The following KNTC1 variants were observed in gnomAD, a reference collection of about 807,000 sequenced individuals.
The protein encoded by KNTC1 is kinetochore-associated protein 1.
Under a neutral mutation model 314.4 loss-of-function variants are expected in KNTC1, and 253 were observed. The ratio of observed to expected loss-of-function variants is 0.80; its 90% CI spans 0.73 to 0.89. The LOEUF (loss-of-function observed/expected upper bound fraction) is 0.89, where lower values mean the gene tolerates loss of function less well. Among genes scored for constraint, KNTC1 ranks in the 40% least tolerant of loss-of-function variants. KNTC1 has a pLI of 0.00. For synonymous variants in KNTC1, 901 were observed against 901.4 expected (o/e 1.00, Z 0.01); for missense variants, 2,475 against 2,572.9 (o/e 0.96, Z 0.82).
At chr12:122,578,844 C>G (rs1050216238) in intron 31 of KNTC1, among the ~76,000 whole-genome samples, 12 of 152,038 alleles carry the variant, frequency 7.9e-5, no homozygotes, top group Admixed American at 1.3e-4. Context: ...ATTTGCTATG[C>G]AATAGGCATT....
In KNTC1 at chr12:122,534,665, C is replaced by T. The variant is rs1287738931; in HGVS notation, c.131C>T (p.Ala44Val). ...DLLVKISSEKASLNPKIQACS... is the reference protein window; with the variant it reads ...DLLVKISSEKVSLNPKIQACS... ...TCATCATGCTTTTCTCTCCCACAGG[C>T]CTCATTAAATCCAAAGATACAGGCA... Residue 44 changes from alanine to valine, a missense_variant and splice_region_variant, in exon 3 of 64, where the codon GCC (alanine) becomes GTC (valine). Coordinates refer to ENST00000333479, the MANE Select transcript of KNTC1 (RefSeq NM_014708.6). The T allele has an allele frequency of 1.2e-6, 2 of 1,605,808 alleles. No homozygotes were observed. Among genetic ancestry groups the T allele is most frequent in the African/African-American group, 1.3e-5 (1 of 74,912 alleles).
At chr12:122,584,836 T>C in intron 35 of KNTC1, 57 bp from the exon 36 acceptor site, 2 of 903,078 alleles carry the variant, frequency 2.2e-6, no homozygotes, top group Non-Finnish European at 3.5e-6. Flanking sequence ...AAGGTTGTTT[T>C]CATTATCCTA....
intron 26 of KNTC1, among the ~76,000 whole-genome samples, chr12:122,573,904 C>A (rs1012670864): frequency 2.0e-5 from 3 of 152,134 alleles, no homozygotes; most frequent in Non-Finnish European, 4.4e-5. Flanking sequence ...CCTTAGTGAT[C>A]TTGGGGGCCC....
At position 122,544,932 on chromosome 12, in the gene KNTC1, C is replaced by T. The variant is rs141384549; in HGVS notation, c.669+663C>T. 3.5e-3 allele frequency among the ~76,000 whole-genome samples: 529 copies of T among 152,216 alleles called. 7 individuals carry two copies. The highest frequency in any genetic ancestry group is 0.011 in the African/African-American group (447 of 41,534). ...AATGCCTGCCTCCTAAGTGATTCTACGTTATTCTTAGTCTTGGCTAGCTAG... is the reference window on the plus strand; with the variant it reads ...AATGCCTGCCTCCTAAGTGATTCTATGTTATTCTTAGTCTTGGCTAGCTAG... On this transcript the variant is annotated intron_variant, in intron 8 of 63. Coordinates refer to ENST00000333479, the MANE Select transcript of KNTC1 (RefSeq NM_014708.6).
At chr12:122,554,076 A>AAAATATATAT (rs370146333) in intron 16 of KNTC1, among the ~76,000 whole-genome samples, 7 of 109,060 alleles carry the variant, frequency 6.4e-5, no homozygotes, top group African/African-American at 2.3e-4. Flanking sequence ...AAAAAAAAAA[A>AAAATATATAT]ATATATATAT....
rs1388499987 is a variant in KNTC1 at position 122,546,224 on chromosome 12, A to G, written c.718A>G (p.Lys240Glu). Reference protein sequence around the residue: ...FSKWEPDSSKKGMTVKNLIDA... With the variant: ...FSKWEPDSSKEGMTVKNLIDA... The stretch of plus-strand genomic sequence containing the variant: ...AAAATGGGAACCAGATTCTTCCAAG[A>G]AAGGAATGACAGTTAAGAACCTTAT... Residue 240 changes from lysine to glutamate, a missense_variant, in exon 9 of 64, where the codon AAA becomes GAA. Coordinates refer to ENST00000333479, the MANE Select transcript of KNTC1 (RefSeq NM_014708.6). 8.7e-6 allele frequency: 14 copies of G among 1,609,642 alleles called. No homozygotes were observed. Among genetic ancestry groups the G allele is most frequent in the Non-Finnish European group, 1.1e-5 (13 of 1,176,214 alleles).
Position 122,532,206 on chromosome 12 carries a change from C to CTTTTTTT in KNTC1, c.129+2029_129+2035dup, listed in dbSNP as rs139344183. On this transcript the variant is annotated intron_variant, in intron 2 of 63. Transcript: ENST00000333479. ...CTGCCACCACGCCTGGCTAATTTTT[C>CTTTTTTT]TTTTTTTTTTTTTTTTTTTTTGAGA... is the stretch of plus-strand genomic sequence containing the variant. Among the ~76,000 whole-genome samples, 8 of 99,552 alleles carry CTTTTTTT rather than the reference C, an allele frequency of 8.0e-5. No individual in the cohort carries two copies. The East Asian group carries it at 1.1e-3, about 14-fold the overall frequency. 65.3% of individuals were successfully genotyped at this position (99,552 alleles called of 152,430 possible).
intron 53 of KNTC1, among the ~76,000 whole-genome samples, chr12:122,612,563 C>T (rs1873282195): frequency 6.6e-6 from 1 of 151,834 alleles, no homozygotes. Flanking sequence ...GGATTACAGG[C>T]ACGTGCTACC....
chr12:122,570,022 G>T (rs562778917), intron 22 of KNTC1, among the ~76,000 whole-genome samples, 198 bp downstream of exon 22: 1 of 152,256 alleles, frequency 6.6e-6, no homozygotes, highest in East Asian at 1.9e-4. Context: ...TGGAACTGGA[G>T]ATTATTATGT....
At chr12:122,573,729 T>G (rs902863559) in intron 26 of KNTC1, among the ~76,000 whole-genome samples, 1 of 152,156 alleles carries the variant, frequency 6.6e-6, no homozygotes, top group Admixed American at 6.5e-5. Context: ...GAGAGGGAGC[T>G]TCCAGGTCAC....
At chr12:122,605,179 T>C in intron 50 of KNTC1, 92 bp downstream of exon 50, 1 of 1,137,364 alleles carries the variant, frequency 8.8e-7, no homozygotes, top group Non-Finnish European at 1.3e-6. Flanking sequence ...TATATATTAC[T>C]TACATATGCT....
intron 6 of KNTC1, 29 bp from the exon 7 acceptor site, chr12:122,543,571 C>G: frequency 6.7e-7 from 1 of 1,482,686 alleles, no homozygotes; most frequent in Admixed American, 2.1e-5. Context: ...TAATACTATA[C>G]ATTTAGCCTG....
intron 10 of KNTC1, 112 bp from the exon 11 acceptor site, chr12:122,547,303 A>G (rs951177783): frequency 4.9e-6 from 3 of 608,428 alleles, no homozygotes; most frequent in Non-Finnish European, 8.9e-6. Context: ...TGAACCTGGG[A>G]GGTGGAGGTT....
chr12:122,577,931 A>G, intron 31 of KNTC1, 140 bp downstream of exon 31: 1 of 701,442 alleles, frequency 1.4e-6, no homozygotes, highest in Non-Finnish European at 2.1e-6. Context: ...TTCCTGGGTA[A>G]ATTTACTACT....
chr12:122,567,581 G>A (rs1437905266), intron 20 of KNTC1, among the ~76,000 whole-genome samples: 2 of 152,056 alleles, frequency 1.3e-5, no homozygotes, highest in Non-Finnish European at 2.9e-5. Context: ...GCTCATGCCT[G>A]TAATCGCAAC....
chr12:122,550,452 T>C (rs938387063), intron 13 of KNTC1, among the ~76,000 whole-genome samples: 2 of 151,934 alleles, frequency 1.3e-5, no homozygotes, highest in Non-Finnish European at 2.9e-5. Context: ...TATTTTTTTT[T>C]CTTATGATCT....
intron 7 of KNTC1, 123 bp downstream of exon 7, chr12:122,543,757 T>C (rs1412258882): frequency 1.6e-6 from 1 of 623,188 alleles, no homozygotes; most frequent in African/African-American, 1.9e-5. Context: ...ATATAACATT[T>C]TAATAACATT....
intron 51 of KNTC1, among the ~76,000 whole-genome samples, chr12:122,608,539 T>A (rs1872769888): frequency 6.6e-6 from 1 of 152,208 alleles, no homozygotes; most frequent in African/African-American, 2.4e-5. Flanking sequence ...AAACAGGAGT[T>A]AGAAACATCT....
chr12:122,551,644 A>G lies in KNTC1; in HGVS notation c.1220A>G (p.His407Arg). 1.2e-6 allele frequency: 2 copies of G among 1,613,820 alleles called. No individual in the cohort carries two copies. Among genetic ancestry groups the G allele is most frequent in the South Asian group, 1.1e-5 (1 of 91,074 alleles). ...ENRLSRLLHKHRFAEAESFAI... is the reference protein window; with the variant it reads ...ENRLSRLLHKRRFAEAESFAI... Reference sequence around the variant, plus strand: ...AGATTGAGTCGGTTACTTCACAAACACAGATTTGCTGAAGCTGAGAGTTTT... The same window carrying G: ...AGATTGAGTCGGTTACTTCACAAACGCAGATTTGCTGAAGCTGAGAGTTTT... Residue 407 changes from histidine (H) to arginine (R), a missense_variant, in exon 16 of 64, where the codon CAC (histidine) becomes CGC (arginine). By Grantham distance (29) the His-to-Arg change is conservative. Transcript: ENST00000333479.
Sources: gnomAD v4.1 joint callset for allele counts (sites outside exome capture counted in the v4.1 genomes callset) on GRCh38, gnomAD v4.1.1 for gene constraint, MANE v1.5 for transcripts, NCBI Gene and HGNC (gene_info 2026-07-23, HGNC 2026-07-21) for gene names.